Variants in ZNF732 observed in about 807,000 individuals in gnomAD.
The protein encoded by ZNF732 is zinc finger protein LOC654254.
A neutral mutation model predicts 11.5 loss-of-function variants in ZNF732; 12 were observed. The ratio of observed to expected loss-of-function variants is 1.05; its 90% CI spans 0.67 to 1.70. ZNF732 has a LOEUF of 1.70. Among genes scored for constraint, ZNF732 ranks in the 40% most tolerant of loss-of-function variants. The probability of loss-of-function intolerance (pLI) is 0.00; values close to 1 mark genes in which losing one functional copy is unlikely to be tolerated. For missense variants in ZNF732, 702 were observed against 676.9 expected (o/e 1.04, Z -0.41); for synonymous variants, 231 against 236.5 (o/e 0.98, Z 0.21).
intron 3 of ZNF732, among the ~76,000 whole-genome samples, chr4:278,748 G>A (rs1413559723): frequency 6.6e-6 from 1 of 152,182 alleles, no homozygotes; most frequent in Non-Finnish European, 1.5e-5. Flanking sequence ...GAAGCTACAT[G>A]AGACCTCTCT....
In ZNF732 at chr4:279,156, GGGCC is replaced by G. The variant is rs1719564256; in HGVS notation, c.227-6530_227-6527del. On this transcript the variant is annotated intron_variant, in intron 3 of 3. Transcript: ENST00000419098. Reference sequence around the variant, plus strand: ...ATAGTGAAAAAAAAAACAGACATGGGGGCCGGGTGCAGTGGCTCATGCCTATAAT... The same window carrying G: ...ATAGTGAAAAAAAAAACAGACATGGGGGGTGCAGTGGCTCATGCCTATAAT... Among the ~76,000 whole-genome samples, 5 of 151,914 alleles carry G rather than the reference GGGCC, an allele frequency of 3.3e-5. No individual in the cohort carries two copies. The South Asian group carries it at 1.0e-3, about 32-fold the overall frequency.
In ZNF732 at chr4:271,368, T is replaced by G. The variant is rs782538668; in HGVS notation, c.1489A>C (p.Thr497Pro). The stretch of plus-strand genomic sequence containing the variant: ...TCACATTCGTAAGGTTTCTCTCCAG[T>G]ATGAATTGTCTTATGTTTATTCAGG... ...RALNKHKTIH[T>P]GEKPYECEEC... The change falls in exon 4 of 4, where the codon ACT becomes CCT. Residue 497 changes from threonine to proline, a missense_variant. Transcript: ENST00000419098. 14 of 1,601,772 alleles carry G rather than the reference T, an allele frequency of 8.7e-6. No homozygotes were observed. The highest frequency in any genetic ancestry group is 1.7e-4 in the Middle Eastern group (1 of 6,054).
intron 1 of ZNF732, among the ~76,000 whole-genome samples, chr4:303,110 C>G (rs1720150853): frequency 6.6e-6 from 1 of 152,176 alleles, no homozygotes; most frequent in Non-Finnish European, 1.5e-5. Context: ...CCAAAAGCCC[C>G]GCGTCTATCA....
chr4:301,389 T>C (rs1013706021), intron 1 of ZNF732, among the ~76,000 whole-genome samples: 1 of 152,220 alleles, frequency 6.6e-6, no homozygotes, highest in African/African-American at 2.4e-5. Context: ...AAGGATTATA[T>C]ATCATGCTGC....
intron 2 of ZNF732, 25 bp from the exon 3 acceptor site, chr4:295,558 G>A (rs1312881862): frequency 1.3e-6 from 2 of 1,567,550 alleles, no homozygotes; most frequent in Admixed American, 3.6e-5. Flanking sequence ...AAATTAACAT[G>A]CTACTGTTAG....
chr4:303,298 T>C (rs183610424), intron 1 of ZNF732, among the ~76,000 whole-genome samples: 74 of 152,338 alleles, frequency 4.9e-4, no homozygotes, highest in African/African-American at 1.7e-3. Context: ...GAGAGAACTT[T>C]GAGCGTTAGC....
intron 3 of ZNF732, among the ~76,000 whole-genome samples, chr4:293,533 G>A (rs2108658725): frequency 6.6e-6 from 1 of 152,036 alleles, no homozygotes; most frequent in Non-Finnish European, 1.5e-5. Context: ...GCCTAAGGGT[G>A]GGACCATGAG....
At chr4:305,286 G>A in intron 1 of ZNF732, 22 bp downstream of exon 1, 1 of 1,605,632 alleles carries the variant, frequency 6.2e-7, no homozygotes, top group Non-Finnish European at 8.5e-7. Flanking sequence ...CCAGCCTTGG[G>A]ACGCCCTGCC....
chr4:292,890 CAAA>C (rs34118991), intron 3 of ZNF732, among the ~76,000 whole-genome samples: 55 of 79,492 alleles, frequency 6.9e-4, no homozygotes, highest in African/African-American at 2.5e-3. Flanking sequence ...ACTAAAAACA[CAAA>C]AAAAAAAAAA....
chr4:282,726 C>A (rs1042905608), intron 3 of ZNF732, among the ~76,000 whole-genome samples: 3 of 151,794 alleles, frequency 2.0e-5, no homozygotes. Flanking sequence ...TAGATTGTTA[C>A]CTTAAGCTAG....
In ZNF732 at chr4:271,875, G is replaced by T; in HGVS notation, c.982C>A (p.His328Asn). 6.2e-7 allele frequency: 1 copy of T among 1,613,570 alleles called. No homozygotes were observed. Among genetic ancestry groups the T allele is most frequent in the Non-Finnish European group, 8.5e-7 (1 of 1,179,820 alleles). Reference protein sequence around the residue: ...STTLTKHNRIHTGEKPYTCEE... With the variant: ...STTLTKHNRINTGEKPYTCEE... ...CATGTGTAGGGTTTCTCTCCAGTAT[G>T]AATTCTGTTATGTTTAGTAAGGGTT... The change falls in exon 4 of 4, where the codon CAT (histidine) becomes AAT (asparagine). Residue 328 changes from histidine to asparagine, a missense_variant. His to Asn is a moderately conservative substitution (Grantham distance 68, BLOSUM62 1). Coordinates refer to ENST00000419098, the MANE Select transcript of ZNF732 (RefSeq NM_001137608.3).
intron 1 of ZNF732, among the ~76,000 whole-genome samples, chr4:298,002 AAATTTT>A (rs1719994490): frequency 6.6e-6 from 1 of 152,184 alleles, no homozygotes; most frequent in Non-Finnish European, 1.5e-5. Context: ...AGATTTTATG[AAATTTT>A]AATCTATTTT....
intron 1 of ZNF732, among the ~76,000 whole-genome samples, chr4:301,333 A>G (rs1160263140): frequency 6.6e-6 from 1 of 152,226 alleles, no homozygotes; most frequent in Admixed American, 6.5e-5. Flanking sequence ...ATCTAGAACT[A>G]GAAATACCAT....
rs1466450754 is a variant in ZNF732, at chr4:271,194, C to T, written c.1663G>A (p.Asp555Asn). ...CATCCTTTACATTTGGGGGTTTTAT[C>T]TCCAGTATGAATTGTCTTATATTTA... ...LNKYKTIHTG[D>N]KTPKCKGCGK... Residue 555 changes from aspartate (D) to asparagine (N), a missense_variant, in exon 4 of 4, where the codon GAT becomes AAT. By Grantham distance (23) the Asp-to-Asn change is conservative. Around this residue, in one of 3 missense-constraint regions of ZNF732, gnomAD observed 94 missense variants for 87.5 expected, o/e 1.07. Coordinates refer to ENST00000419098, the MANE Select transcript of ZNF732 (RefSeq NM_001137608.3). 16 of 1,554,744 alleles carry T rather than the reference C, an allele frequency of 1.0e-5. No individual in the cohort carries two copies. Among genetic ancestry groups the T allele is most frequent in the Non-Finnish European group, 1.3e-5 (15 of 1,148,694 alleles).
chr4:304,488 C>A (rs1048187641), intron 1 of ZNF732, among the ~76,000 whole-genome samples: 2 of 152,158 alleles, frequency 1.3e-5, no homozygotes, highest in Non-Finnish European at 2.9e-5. Flanking sequence ...CCAACCCCAA[C>A]GCGGTGTCCA....
At chr4:293,791 A>T (rs1553841759) in intron 3 of ZNF732, among the ~76,000 whole-genome samples, 1 of 152,240 alleles carries the variant, frequency 6.6e-6, no homozygotes, top group Non-Finnish European at 1.5e-5. Flanking sequence ...TATCAATTAT[A>T]AAATATGTGC....
rs1376273485 is a variant in ZNF732 at position 287,495 on chromosome 4, G to A, written c.226+7943C>T. ...CTCCCAAAGTGCTAGGATTACAGGCGTGAGTCATCGCACGTGGCCAACACA... is the reference window on the plus strand; with the variant it reads ...CTCCCAAAGTGCTAGGATTACAGGCATGAGTCATCGCACGTGGCCAACACA... On this transcript the variant is annotated intron_variant, in intron 3 of 3. Coordinates refer to ENST00000419098, the MANE Select transcript of ZNF732 (RefSeq NM_001137608.3). 6.6e-5 allele frequency among the ~76,000 whole-genome samples: 10 copies of A among 152,018 alleles called. 1 individual carries two copies. Among genetic ancestry groups the A allele is most frequent in the East Asian group, 5.8e-4 (3 of 5,162 alleles).
chr4:288,455 C>T (rs1043344547), intron 3 of ZNF732, among the ~76,000 whole-genome samples: 1 of 152,176 alleles, frequency 6.6e-6, no homozygotes, highest in Non-Finnish European at 1.5e-5. Context: ...TCAATTTTTC[C>T]CATGTGGATA....
At chr4:301,345 T>G (rs1376830141) in intron 1 of ZNF732, among the ~76,000 whole-genome samples, 1 of 152,218 alleles carries the variant, frequency 6.6e-6, no homozygotes, top group Non-Finnish European at 1.5e-5. Flanking sequence ...AAATACCATT[T>G]GACCCAGCCA....
Sources: gnomAD v4.1 joint callset for allele counts (sites outside exome capture counted in the v4.1 genomes callset) on GRCh38, gnomAD v4.1.1 for gene constraint, gnomAD v4.1.1 regional missense constraint, MANE v1.5 for transcripts, NCBI Gene and HGNC (gene_info 2026-07-23, HGNC 2026-07-21) for gene names.